SCN10A: variants seen among roughly 807,000 people sequenced by gnomAD.
SCN10A encodes sodium voltage-gated channel alpha subunit 10, also known as sodium channel protein type 10 subunit alpha.
SCN10A carries 162 observed loss-of-function variants against 170.7 expected under a neutral mutation model. The ratio of observed to expected loss-of-function variants is 0.95; its 90% confidence interval spans 0.84 to 1.08. The LOEUF is 1.08. SCN10A is among the 50% of genes least tolerant of loss of function. The pLI, the probability that SCN10A is intolerant of heterozygous loss-of-function variation, is 0.00. For missense variants in SCN10A, 2,527 were observed against 2,436.9 expected (o/e 1.04, Z -0.78); for synonymous variants, 985 against 904.6 (o/e 1.09, Z -1.59).
At position 38,710,792 on chromosome 3, in the gene SCN10A, T is replaced by G; in HGVS notation, c.4143+52A>C. 2.6e-6 allele frequency: 4 copies of G among 1,543,004 alleles called. No individual in the cohort carries two copies. The Admixed American group carries it at 5.2e-5, about 20-fold the overall frequency. Reference sequence around the variant, plus strand: ...ACTTCATTTCAAATGCAGACTGATATGGGTAGAATGCACAGAGGGGAAGGC... The same window carrying G: ...ACTTCATTTCAAATGCAGACTGATAGGGGTAGAATGCACAGAGGGGAAGGC... On this transcript the variant is annotated intron_variant, in intron 24 of 27. Coordinates refer to ENST00000449082, the MANE Select transcript of SCN10A (RefSeq NM_006514.4).
At chr3:38,814,354 G>A (rs975423982) in intron 1 of SCN10A, among the ~76,000 whole-genome samples, 15 of 152,084 alleles carry the variant, frequency 9.9e-5, no homozygotes, top group Non-Finnish European at 1.8e-4. Flanking sequence ...CCATAGGGCT[G>A]GTCTGTATTC....
chr3:38,796,087 A>T (rs73826362), intron 1 of SCN10A, among the ~76,000 whole-genome samples: 2 of 151,700 alleles, frequency 1.3e-5, no homozygotes, highest in Non-Finnish European at 2.9e-5. Context: ...TCTTCATTTG[A>T]TCTCTCCACT....
At chr3:38,790,939 G>T (rs62244110) in intron 3 of SCN10A, among the ~76,000 whole-genome samples, 43,546 of 152,022 alleles carry the variant, frequency 0.29, 7,699 homozygotes, top group Admixed American at 0.41. Context: ...TTGCTGGCCA[G>T]CCAGAAAGAA....
At chr3:38,785,133 T>C (rs2064182669) in intron 4 of SCN10A, among the ~76,000 whole-genome samples, 1 of 152,156 alleles carries the variant, frequency 6.6e-6, no homozygotes, top group African/African-American at 2.4e-5. Flanking sequence ...AAAAATCTAC[T>C]TTAAATTTCA....
In SCN10A at chr3:38,802,755, T is replaced by G. The variant is rs566695956; in HGVS notation, c.-32-8713A>C. Among the ~76,000 whole-genome samples the G allele has an allele frequency of 3.9e-5, 6 of 152,202 alleles. No homozygotes were observed. In the East Asian group the frequency reaches 1.2e-3, roughly 29 times the overall value. ...TAGGCATGGGCAAGGACTTCATGTC[T>G]AAAACACCAAAAGCAATGGCAACAA... is the stretch of plus-strand genomic sequence containing the variant. On this transcript the variant is annotated intron_variant, in intron 1 of 27. Transcript: ENST00000449082.
At chr3:38,812,938 T>A (rs1300615720) in intron 1 of SCN10A, among the ~76,000 whole-genome samples, 1 of 151,892 alleles carries the variant, frequency 6.6e-6, no homozygotes, top group African/African-American at 2.4e-5. Flanking sequence ...GGAGCTGAGG[T>A]AGGAGGATCA....
At chr3:38,798,786 C>CTTTTTTTTTTTTTT (rs35930968) in intron 1 of SCN10A, among the ~76,000 whole-genome samples, 1 of 97,732 alleles carries the variant, frequency 1.0e-5, no homozygotes, top group African/African-American at 4.0e-5. Context: ...CCCTTGCCTC[C>CTTTTTTTTTTTTTT]TTTTTTTTTT....
intron 21 of SCN10A, 88 bp from the exon 22 acceptor site, chr3:38,714,168 C>A: frequency 6.6e-7 from 1 of 1,510,368 alleles, no homozygotes; most frequent in Non-Finnish European, 9.1e-7. Flanking sequence ...TGCCCAGCCT[C>A]CCATTCCTAC....
chr3:38,728,652 G>A lies in SCN10A; in HGVS notation c.2530C>T (p.Arg844Cys), dbSNP rs140158387. 6.3e-5 allele frequency: 102 copies of A among 1,614,076 alleles called. No individual in the cohort carries two copies. Among genetic ancestry groups the A allele is most frequent in the South Asian group, 7.7e-5 (7 of 91,080 alleles). ...DFFHSFLIVF[R>C]ILCGEWIENM... ...TCAATCCACTCTCCACAGAGGATAC[G>A]GAAGACAATGAGGAAAGAGTGGAAG... Residue 844 changes from arginine (R) to cysteine (C), a missense_variant, in exon 16 of 28, where the codon CGT (arginine) becomes TGT (cysteine). Coordinates refer to ENST00000449082, the MANE Select transcript of SCN10A (RefSeq NM_006514.4).
rs575792179 is a variant in SCN10A at position 38,812,835 on chromosome 3, A to G, written c.-33+3202T>C. On this transcript the variant is annotated intron_variant, in intron 1 of 27. Coordinates refer to ENST00000449082, the MANE Select transcript of SCN10A (RefSeq NM_006514.4). ...GACCACTTGAGCCAAGGAGTTCGAG[A>G]CCAGCCTGGGCAACATGGCGAGACC... is the stretch of plus-strand genomic sequence containing the variant. Among the ~76,000 whole-genome samples, 32 of 152,178 alleles carry G rather than the reference A, an allele frequency of 2.1e-4. 1 individual carries two copies. In the South Asian group the frequency reaches 6.6e-3, roughly 32 times the overall value.
At chr3:38,737,759 TCCC>T (rs1353699642) in intron 15 of SCN10A, among the ~76,000 whole-genome samples, 97 of 69,680 alleles carry the variant, frequency 1.4e-3, no homozygotes, top group African/African-American at 4.5e-3. Flanking sequence ...TCTCTCTCCC[TCCC>T]TCCCTCCCTC....
intron 4 of SCN10A, 41 bp downstream of exon 4, chr3:38,788,915 G>T: frequency 8.1e-7 from 1 of 1,231,428 alleles, no homozygotes; most frequent in Non-Finnish European, 1.2e-6. Flanking sequence ...AGAAAAGAAA[G>T]CAAAAAGAGA....
intron 4 of SCN10A, among the ~76,000 whole-genome samples, chr3:38,772,860 AAAAAT>A (rs2064025913): frequency 6.6e-6 from 1 of 152,238 alleles, no homozygotes; most frequent in African/African-American, 2.4e-5. Flanking sequence ...TTTTGAAAAC[AAAAAT>A]ATGATAGCAA....
At chr3:38,805,406 G>T (rs1683875478) in intron 1 of SCN10A, among the ~76,000 whole-genome samples, 1 of 152,106 alleles carries the variant, frequency 6.6e-6, no homozygotes, top group Non-Finnish European at 1.5e-5. Flanking sequence ...GATATTGCTG[G>T]GCTCTCCATG....
At chr3:38,779,759 CT>C (rs1368802243) in intron 4 of SCN10A, among the ~76,000 whole-genome samples, 4 of 151,732 alleles carry the variant, frequency 2.6e-5, no homozygotes, top group African/African-American at 9.7e-5. Flanking sequence ...TATAGTTTGT[CT>C]TTTGTCCAAG....
chr3:38,756,790 T>C lies in SCN10A; in HGVS notation c.1174A>G (p.Ile392Val). The change falls in exon 10 of 28, where the codon ATC becomes GTC. Residue 392 changes from isoleucine (I) to valine (V), a missense_variant. Ile to Val is a conservative substitution (Grantham distance 29). Transcript: ENST00000449082. ...FLGSFYLVNL[I>V]LAVVTMAYEE... ...TACGCCATGGTGACTACAGCCAAGA[T>C]CAAGTTGACCAGGTAGAAAGATCCC... The C allele has an allele frequency of 1.2e-6, 2 of 1,614,150 alleles. No individual in the cohort carries two copies. The highest frequency in any genetic ancestry group is 1.7e-6 in the Non-Finnish European group (2 of 1,180,034).
intron 1 of SCN10A, among the ~76,000 whole-genome samples, chr3:38,801,342 C>A (rs2064369486): frequency 6.6e-6 from 1 of 152,058 alleles, no homozygotes; most frequent in South Asian, 2.1e-4. Context: ...TTTTTGTCTC[C>A]ACAGAAATCC....
chr3:38,700,169 A>G (rs1200595902), intron 27 of SCN10A, among the ~76,000 whole-genome samples: 1 of 152,142 alleles, frequency 6.6e-6, no homozygotes, highest in African/African-American at 2.4e-5. Context: ...TATTATGCTA[A>G]GTGAGATAAG....
In SCN10A at chr3:38,761,481, G is replaced by A. The variant is rs540840346; in HGVS notation, c.692-98C>T. On this transcript the variant is annotated intron_variant, in intron 6 of 27. Transcript: ENST00000449082. Reference sequence around the variant, plus strand: ...CATCCTCCTTCATCTCTACATACAGGAGTGAAGTATGTACACACTCCAGGG... The same window carrying A: ...CATCCTCCTTCATCTCTACATACAGAAGTGAAGTATGTACACACTCCAGGG... 7.5e-6 allele frequency: 8 copies of A among 1,066,274 alleles called. No homozygotes were observed. In the African/African-American group the frequency reaches 1.3e-4, roughly 17 times the overall value. The allele number at this position is 1,066,274 out of a possible 1,614,324, so 66.1% of individuals were successfully genotyped here.
Sources: gnomAD v4.1 joint callset for allele counts (sites outside exome capture counted in the v4.1 genomes callset) on GRCh38, gnomAD v4.1.1 for gene constraint, MANE v1.5 for transcripts, NCBI Gene and HGNC (gene_info 2026-07-23, HGNC 2026-07-21) for gene names.